Variants in ADGRL3 observed in about 807,000 individuals in gnomAD.
The protein encoded by ADGRL3 is adhesion G protein-coupled receptor L3.
A neutral mutation model predicts 153.5 loss-of-function variants in ADGRL3; 62 were observed. The ratio of observed to expected loss-of-function variants is 0.40; its 90% CI spans 0.33 to 0.50. The LOEUF is 0.50. ADGRL3 is among the 20% of genes least tolerant of loss of function. ADGRL3 has a pLI of 0.47. For missense variants in ADGRL3, 1,641 were observed against 1,859.4 expected (o/e 0.88, Z 2.16); for synonymous variants, 710 against 672.5 (o/e 1.06, Z -0.86).
At chr4:61,711,418 C>T (rs1280429466) in intron 6 of ADGRL3, among the ~76,000 whole-genome samples, 1 of 133,546 alleles carries the variant, frequency 7.5e-6, no homozygotes, top group Non-Finnish European at 1.6e-5. Flanking sequence ...AACAGAGGAC[C>T]TTACAAACCT....
At chr4:61,227,861 A>G (rs371976709) in intron 1 of ADGRL3, among the ~76,000 whole-genome samples, 2 of 152,340 alleles carry the variant, frequency 1.3e-5, no homozygotes, top group Admixed American at 1.3e-4. Context: ...TCAGACTGCT[A>G]CTATGAAATT....
intron 24 of ADGRL3, among the ~76,000 whole-genome samples, chr4:62,044,163 A>G (rs887446780): frequency 9.9e-5 from 15 of 151,994 alleles, no homozygotes; most frequent in Admixed American, 4.6e-4. Context: ...ACCTCTGTAT[A>G]TATTCAACAT....
At chr4:61,290,503 G>A (rs988011166) in intron 1 of ADGRL3, among the ~76,000 whole-genome samples, 1 of 152,036 alleles carries the variant, frequency 6.6e-6, no homozygotes, top group Non-Finnish European at 1.5e-5. Context: ...TTTTAGCCAG[G>A]TGTGGTGGCT....
At chr4:61,932,831 G>A (rs1374520209) in intron 13 of ADGRL3, among the ~76,000 whole-genome samples, 2 of 152,052 alleles carry the variant, frequency 1.3e-5, no homozygotes, top group Non-Finnish European at 2.9e-5. Flanking sequence ...GGGAGGCTCT[G>A]ATTACTGACT....
intron 5 of ADGRL3, among the ~76,000 whole-genome samples, chr4:61,591,568 G>A (rs1432022823): frequency 6.6e-6 from 1 of 152,056 alleles, no homozygotes; most frequent in Non-Finnish European, 1.5e-5. Context: ...TGGAGGTATG[G>A]AAATAGATAT....
chr4:61,985,437 A>G (rs746657094), intron 19 of ADGRL3, among the ~76,000 whole-genome samples: 25 of 152,106 alleles, frequency 1.6e-4, no homozygotes, highest in Non-Finnish European at 3.1e-4. Flanking sequence ...TGAAATGAAC[A>G]CTATGGAAAA....
At chr4:61,624,398 C>A (rs1390963632) in intron 5 of ADGRL3, among the ~76,000 whole-genome samples, 1 of 151,924 alleles carries the variant, frequency 6.6e-6, no homozygotes, top group Non-Finnish European at 1.5e-5. Context: ...TGGATGACTC[C>A]TGGGTTTTTT....
chr4:61,333,128 A>T (rs918411207), intron 1 of ADGRL3, among the ~76,000 whole-genome samples: 1 of 152,102 alleles, frequency 6.6e-6, no homozygotes, highest in Non-Finnish European at 1.5e-5. Flanking sequence ...ACATAAAAAT[A>T]CTTATTAAAA....
intron 9 of ADGRL3, among the ~76,000 whole-genome samples, chr4:61,828,677 A>G (rs576074422): frequency 8.3e-4 from 127 of 152,294 alleles, no homozygotes; most frequent in African/African-American, 3.0e-3. Context: ...GTCTTAATGG[A>G]GTACTTCATT....
At chr4:61,469,269 C>T (rs896433121) in intron 2 of ADGRL3, among the ~76,000 whole-genome samples, 1 of 151,974 alleles carries the variant, frequency 6.6e-6, no homozygotes, top group Non-Finnish European at 1.5e-5. Flanking sequence ...TTGTTTTGTG[C>T]CCAGTTTCCT....
At chr4:61,913,696 C>A (rs547876764) in intron 13 of ADGRL3, among the ~76,000 whole-genome samples, 1 of 152,176 alleles carries the variant, frequency 6.6e-6, no homozygotes, top group Non-Finnish European at 1.5e-5. Flanking sequence ...TTTGTTTATG[C>A]CTTTCCAATG....
At chr4:61,660,634 G>A (rs1005052734) in intron 5 of ADGRL3, among the ~76,000 whole-genome samples, 8 of 151,994 alleles carry the variant, frequency 5.3e-5, no homozygotes, top group Admixed American at 2.0e-4. Flanking sequence ...TTCTAACTAA[G>A]CTGTTGATGA....
At chr4:61,789,107 GTTGT>G (rs2097310689) in intron 8 of ADGRL3, among the ~76,000 whole-genome samples, 1 of 151,974 alleles carries the variant, frequency 6.6e-6, no homozygotes, top group African/African-American at 2.4e-5. Flanking sequence ...CTAAAGATAT[GTTGT>G]TTATCTAGAT....
At chr4:61,297,166 C>G (rs1468516189) in intron 1 of ADGRL3, among the ~76,000 whole-genome samples, 1 of 152,110 alleles carries the variant, frequency 6.6e-6, no homozygotes, top group African/African-American at 2.4e-5. Flanking sequence ...TTTTTGATTG[C>G]ATGGGTAACA....
At chr4:61,759,632 C>T (rs1254286001) in intron 8 of ADGRL3, among the ~76,000 whole-genome samples, 1 of 150,852 alleles carries the variant, frequency 6.6e-6, no homozygotes, top group Admixed American at 6.6e-5. Context: ...TCCTTTAGCT[C>T]AGAGTAGTTT....
intron 5 of ADGRL3, among the ~76,000 whole-genome samples, chr4:61,627,043 C>G (rs1343733498): frequency 6.6e-6 from 1 of 152,004 alleles, no homozygotes; most frequent in African/African-American, 2.4e-5. Flanking sequence ...TAATTTTAAT[C>G]TGGATTTGCT....
At chr4:61,320,479 C>G (rs1321706433) in intron 1 of ADGRL3, among the ~76,000 whole-genome samples, 1 of 152,148 alleles carries the variant, frequency 6.6e-6, no homozygotes, top group African/African-American at 2.4e-5. Context: ...AGCCTATAGG[C>G]TGGAGATTCA....
rs183229159 is a variant in ADGRL3 at position 61,869,702 on chromosome 4, G to C, written c.1481-22954G>C. Among the ~76,000 whole-genome samples, 821 of 151,900 alleles carry C rather than the reference G, an allele frequency of 5.4e-3. 12 individuals are homozygous for C. The highest frequency in any genetic ancestry group is 8.3e-3 in the Non-Finnish European group (566 of 67,908). On this transcript the variant is annotated intron_variant, in intron 9 of 26. Transcript: ENST00000683033. The stretch of plus-strand genomic sequence containing the variant: ...AGGAATAATCCCAACACTTTGGGAG[G>C]CTGAGGCGGGCGGATCACCTGAGGT...
chr4:61,368,604 C>T (rs1226083199), intron 1 of ADGRL3, among the ~76,000 whole-genome samples: 2 of 151,780 alleles, frequency 1.3e-5, no homozygotes, highest in African/African-American at 4.8e-5. Flanking sequence ...GTTTTGGTAC[C>T]AGTACCATGC....
Sources: gnomAD v4.1 joint callset for allele counts (sites outside exome capture counted in the v4.1 genomes callset) on GRCh38, gnomAD v4.1.1 for gene constraint, MANE v1.5 for transcripts, NCBI Gene and HGNC (gene_info 2026-07-23, HGNC 2026-07-21) for gene names.